ZMYM4: variants seen among roughly 807,000 people sequenced by gnomAD.
ZMYM4 encodes zinc finger MYM-type containing 4, also known as zinc finger MYM-type protein 4.
A neutral mutation model predicts 183.2 loss-of-function variants in ZMYM4; 31 were observed. The ratio of observed to expected loss-of-function variants is 0.17; its 90% CI spans 0.13 to 0.23. ZMYM4 has a LOEUF of 0.23. Ranked by LOEUF, ZMYM4 falls within the 10% of genes least tolerant of loss-of-function variation. The pLI, the probability that ZMYM4 is intolerant of heterozygous loss-of-function variation, is 1.00. For missense variants in ZMYM4, 1,273 were observed against 1,840.3 expected (o/e 0.69, Z 5.64); for synonymous variants, 592 against 631.2 (o/e 0.94, Z 0.93).
At chr1:35,304,850 TTTTTTA>T (rs895891815) in intron 1 of ZMYM4, among the ~76,000 whole-genome samples, 6 of 149,446 alleles carry the variant, frequency 4.0e-5, no homozygotes, top group African/African-American at 1.5e-4. Flanking sequence ...GTAAACTTTA[TTTTTTA>T]TTATTTTTTA....
intron 7 of ZMYM4, among the ~76,000 whole-genome samples, chr1:35,376,903 T>G (rs1271137233): frequency 6.6e-6 from 1 of 152,108 alleles, no homozygotes; most frequent in Non-Finnish European, 1.5e-5. Flanking sequence ...CTGAGCTCCT[T>G]AAGTACATAC....
intron 9 of ZMYM4, among the ~76,000 whole-genome samples, chr1:35,385,144 C>T (rs906492122): frequency 6.6e-6 from 1 of 152,064 alleles, no homozygotes; most frequent in Non-Finnish European, 1.5e-5. Context: ...TACGCCTGGC[C>T]GCATTACTTT....
Position 35,290,867 on chromosome 1 carries a change from A to G in ZMYM4, c.39+21782A>G, listed in dbSNP as rs116065815. Among the ~76,000 whole-genome samples the G allele has an allele frequency of 3.2e-3, 493 of 152,356 alleles. 4 individuals carry two copies. Among genetic ancestry groups the G allele is most frequent in the African/African-American group, 0.011 (476 of 41,578 alleles). Reference sequence around the variant, plus strand: ...TATCTCAATAAAGCTGTTATTTTTAAAAAAGAAGCTAAACCAAATAGCATT... The same window carrying G: ...TATCTCAATAAAGCTGTTATTTTTAGAAAAGAAGCTAAACCAAATAGCATT... On this transcript the variant is annotated intron_variant, in intron 1 of 29. Coordinates refer to ENST00000314607, the MANE Select transcript of ZMYM4 (RefSeq NM_005095.3).
intron 29 of ZMYM4, 31 bp downstream of exon 29, chr1:35,418,603 C>A (rs763816080): frequency 6.2e-7 from 1 of 1,608,828 alleles, no homozygotes; most frequent in South Asian, 1.1e-5. Flanking sequence ...ATGTAGTGCA[C>A]TCAGAAGGCA....
intron 28 of ZMYM4, among the ~76,000 whole-genome samples, chr1:35,417,493 C>T (rs1640165851): frequency 1.3e-5 from 2 of 152,178 alleles, no homozygotes; most frequent in Non-Finnish European, 2.9e-5. Context: ...AACAAATAAA[C>T]TTGAGCAGAT....
intron 2 of ZMYM4, among the ~76,000 whole-genome samples, chr1:35,345,169 C>G (rs1280632430): frequency 6.6e-6 from 1 of 152,200 alleles, no homozygotes; most frequent in Non-Finnish European, 1.5e-5. Flanking sequence ...TTTATTGCTT[C>G]TGGGCCTCTT....
At chr1:35,382,232 GTATGTA>G (rs1383210431) in intron 9 of ZMYM4, among the ~76,000 whole-genome samples, 3 of 147,680 alleles carry the variant, frequency 2.0e-5, no homozygotes, top group East Asian at 3.9e-4. Context: ...ACGTATATAT[GTATGTA>G]TATGTATATA....
intron 11 of ZMYM4, among the ~76,000 whole-genome samples, chr1:35,386,595 C>T (rs1024245879): frequency 3.3e-5 from 5 of 152,248 alleles, no homozygotes; most frequent in Admixed American, 6.5e-5. Context: ...GGCAGGGACA[C>T]GAATTCAAAC....
At chr1:35,401,031 G>T (rs979051493) in intron 23 of ZMYM4, among the ~76,000 whole-genome samples, 1 of 152,164 alleles carries the variant, frequency 6.6e-6, no homozygotes, top group Non-Finnish European at 1.5e-5. Flanking sequence ...AAAAATTTGG[G>T]TTGTTTCCAG....
chr1:35,399,308 G>GT (rs1173600856), intron 22 of ZMYM4, among the ~76,000 whole-genome samples, 174 bp from the exon 23 acceptor site: 1 of 152,040 alleles, frequency 6.6e-6, no homozygotes, highest in East Asian at 1.9e-4. Flanking sequence ...TGTTAATGAA[G>GT]TTTTCATTTA....
At chr1:35,401,714 A>G (rs1049230863) in intron 23 of ZMYM4, among the ~76,000 whole-genome samples, 2 of 152,182 alleles carry the variant, frequency 1.3e-5, no homozygotes, top group Admixed American at 6.5e-5. Context: ...ACATTCTCTT[A>G]CATTTTCTTC....
chr1:35,310,261 T>G (rs538831703), intron 1 of ZMYM4: 2 of 182,406 alleles, frequency 1.1e-5, no homozygotes, highest in South Asian at 2.0e-4. Flanking sequence ...TTGAATGTCT[T>G]ACTTTTATTA....
intron 2 of ZMYM4, among the ~76,000 whole-genome samples, chr1:35,345,304 G>A (rs947006052): frequency 6.6e-6 from 1 of 152,092 alleles, no homozygotes; most frequent in South Asian, 2.1e-4. Flanking sequence ...TCATTCTTAT[G>A]TATTGCCATC....
intron 1 of ZMYM4, among the ~76,000 whole-genome samples, chr1:35,287,423 G>A (rs945530050): frequency 1.3e-5 from 2 of 151,306 alleles, no homozygotes; most frequent in South Asian, 2.1e-4. Context: ...TTACTTCTTC[G>A]CTTCTGTTTT....
At chr1:35,323,752 A>T (rs1164896461) in intron 1 of ZMYM4, among the ~76,000 whole-genome samples, 2 of 151,640 alleles carry the variant, frequency 1.3e-5, no homozygotes, top group Non-Finnish European at 2.9e-5. Flanking sequence ...ACGGGGTTTC[A>T]CCATAATTAG....
chr1:35,332,399 G>A (rs550203033), intron 2 of ZMYM4, among the ~76,000 whole-genome samples: 1 of 151,534 alleles, frequency 6.6e-6, no homozygotes, highest in Non-Finnish European at 1.5e-5. Flanking sequence ...GGTATACTGG[G>A]GATGTTTTTT....
chr1:35,381,749 A>G lies in ZMYM4; in HGVS notation c.1560A>G (p.Ala520=), dbSNP rs1644462794. 1 of 1,614,120 alleles carries G rather than the reference A, an allele frequency of 6.2e-7. No homozygotes were observed. The highest frequency in any genetic ancestry group is 8.5e-7 in the Non-Finnish European group (1 of 1,180,020). ...KKFCSSSCIT[A]YKQKSAKITP... ...TTTGTAGTTCATCGTGTATCACGGC[A>G]TACAAGCAGGTACATGACCATATTT... The change falls in exon 9 of 30, where the codon GCA becomes GCG. Residue 520 remains alanine (A), a synonymous_variant. Coordinates refer to ENST00000314607, the MANE Select transcript of ZMYM4 (RefSeq NM_005095.3).
At chr1:35,359,777 T>C (rs967032923) in intron 3 of ZMYM4, among the ~76,000 whole-genome samples, 1 of 152,126 alleles carries the variant, frequency 6.6e-6, no homozygotes, top group Non-Finnish European at 1.5e-5. Flanking sequence ...TTCTTTGTGC[T>C]GTAAGCACTA....
chr1:35,291,634 C>CT (rs1296107892), intron 1 of ZMYM4, among the ~76,000 whole-genome samples: 5,994 of 129,296 alleles, frequency 0.046, 312 homozygotes, highest in East Asian at 0.22. Flanking sequence ...GTGATTGTTA[C>CT]TTTTTTTTTT....
Sources: gnomAD v4.1 joint callset for allele counts (sites outside exome capture counted in the v4.1 genomes callset) on GRCh38, gnomAD v4.1.1 for gene constraint, MANE v1.5 for transcripts, NCBI Gene and HGNC (gene_info 2026-07-23, HGNC 2026-07-21) for gene names.